Variants in MAP2K3 observed in about 807,000 individuals in gnomAD.
The protein encoded by MAP2K3 is dual specificity mitogen-activated protein kinase kinase 3.
In MAP2K3, 30 loss-of-function variants were observed where a neutral mutation model predicts 46.4. The ratio of observed to expected loss-of-function variants is 0.65; its 90% confidence interval spans 0.48 to 0.88. The LOEUF is 0.88. MAP2K3 is among the 40% of genes least tolerant of loss of function. MAP2K3 has a pLI of 0.00. For synonymous variants in MAP2K3, 189 were observed against 176.3 expected (o/e 1.07, Z -0.57); for missense variants, 380 against 464.5 (o/e 0.82, Z 1.67).
intron 1 of MAP2K3, chr17:21,295,593 C>T (rs1282828393): frequency 1.6e-6 from 2 of 1,280,172 alleles, no homozygotes; most frequent in Non-Finnish European, 2.0e-6. Context: ...TCCATGACGG[C>T]CTCACCCACT....
intron 10 of MAP2K3, 109 bp from the exon 11 acceptor site, chr17:21,313,383 C>T (rs111431447): frequency 1.2e-4 from 102 of 831,172 alleles, no homozygotes; most frequent in Non-Finnish European, 1.8e-4. Flanking sequence ...CCTGGGTGCA[C>T]GTGTCCCCTG....
chr17:21,313,433 C>T (rs1597508387), intron 10 of MAP2K3, 59 bp from the exon 11 acceptor site: 3 of 1,509,700 alleles, frequency 2.0e-6, no homozygotes, highest in Admixed American at 3.5e-5. Flanking sequence ...TTTGGCTGGC[C>T]CTTGGGGGCT....
rs191226057 is a variant in MAP2K3, at chr17:21,314,249, C to G, written c.*19C>G. 1.2e-6 allele frequency: 2 copies of G among 1,604,422 alleles called. No homozygotes were observed. The highest frequency in any genetic ancestry group is 3.3e-5 in the Admixed American group (2 of 59,988). ...CTCATAGGGGCTGGGCCTCGGACCC[C>G]ACTCCGGCCCTCCAGAGCCCCACAG... On this transcript the variant is annotated 3_prime_UTR_variant, in exon 12 of 12. Transcript: ENST00000342679.
intron 1 of MAP2K3, among the ~76,000 whole-genome samples, chr17:21,294,168 G>A (rs894455898): frequency 5.2e-5 from 8 of 152,426 alleles, no homozygotes; most frequent in African/African-American, 1.7e-4. Flanking sequence ...CCCTCTGAGG[G>A]ACCCTGGGGA....
At chr17:21,302,288 GT>G (rs773653678) in intron 6 of MAP2K3, 29 bp downstream of exon 6, 1 of 1,043,398 alleles carries the variant, frequency 9.6e-7, no homozygotes, top group African/African-American at 1.6e-5. Flanking sequence ...CTGGCGGGGG[GT>G]CCTAGGTGCA....
intron 1 of MAP2K3, chr17:21,291,722 T>G (rs1193065906): frequency 5.1e-6 from 2 of 390,892 alleles, no homozygotes; most frequent in Non-Finnish European, 1.0e-5. Flanking sequence ...TGCATGGACT[T>G]GTTTGGTCTT....
At chr17:21,295,667 C>G in intron 1 of MAP2K3, 1 of 1,289,476 alleles carries the variant, frequency 7.8e-7, no homozygotes, top group African/African-American at 1.5e-5. Flanking sequence ...GCTTGGTGTC[C>G]CCAACAGGCC....
At position 21,300,904 on chromosome 17, in the gene MAP2K3, C is replaced by T. The variant is rs1312694093; in HGVS notation, c.310C>T (p.Gln104Ter). 6.2e-7 allele frequency: 1 copy of T among 1,614,234 alleles called. No individual in the cohort carries two copies. The highest frequency in any genetic ancestry group is 8.5e-7 in the Non-Finnish European group (1 of 1,180,052). The change falls in exon 5 of 12, where the codon CAG (glutamine) becomes TAG (stop). Residue 104 changes from glutamine (Q) to a stop codon, truncating the protein, a stop_gained. Transcript: ENST00000342679. LOFTEE classifies it high-confidence loss of function. ...RIRATVNSQE[Q>*]KRLLMDLDIN... is the part of the protein sequence containing the mutation. ...CCGGGCCACCGTGAACTCACAGGAG[C>T]AGAAGCGGCTGCTCATGGACCTGGA...
chr17:21,298,625 C>A, intron 2 of MAP2K3, 146 bp downstream of exon 2: 1 of 1,345,678 alleles, frequency 7.4e-7, no homozygotes, highest in Non-Finnish European at 1.1e-6. Context: ...AGCCAGGTGA[C>A]GGCTGCTGGG....
At chr17:21,312,453 G>T (rs1597507092) in intron 10 of MAP2K3, among the ~76,000 whole-genome samples, 172 bp downstream of exon 10, 1 of 152,176 alleles carries the variant, frequency 6.6e-6, no homozygotes, top group East Asian at 1.9e-4. Context: ...ACAAAACGAT[G>T]GTCTTGGTGG....
At chr17:21,291,028 G>A (rs1975892591) in intron 1 of MAP2K3, among the ~76,000 whole-genome samples, 1 of 152,310 alleles carries the variant, frequency 6.6e-6, no homozygotes, top group Admixed American at 6.5e-5. Context: ...GGATCATGAG[G>A]TCAGGAGCTC....
chr17:21,284,740 C>T lies in MAP2K3; in HGVS notation c.-181C>T. 1.8e-6 allele frequency: 1 copy of T among 564,638 alleles called. No individual in the cohort carries two copies. The highest frequency in any genetic ancestry group is 2.9e-6 in the Non-Finnish European group (1 of 343,710). The allele number at this position is 564,638 out of a possible 1,614,324, so 35.0% of individuals were successfully genotyped here. A position where few individuals can be genotyped will look rare whatever the true frequency, so the allele number is the denominator to read the frequency against. ...TGTCTCCGGCGCCGCCCGTCGCGGA[C>T]TCGTCCTTGCTGCAGTCGCCGCCGC... is the stretch of plus-strand genomic sequence containing the variant. On this transcript the variant is annotated 5_prime_UTR_variant, in exon 1 of 12. Transcript: ENST00000342679.
chr17:21,291,652 T>C (rs1975946725), intron 1 of MAP2K3: 1 of 449,642 alleles, frequency 2.2e-6, no homozygotes, highest in Non-Finnish European at 4.5e-6. Flanking sequence ...TGCCCCACAG[T>C]GTGGGAGCCT....
intron 3 of MAP2K3, among the ~76,000 whole-genome samples, chr17:21,299,806 A>C (rs148284255): frequency 0.14 from 18,326 of 134,206 alleles, no homozygotes; most frequent in African/African-American, 0.22. Flanking sequence ...AACGTGGTGA[A>C]ACCCTGTCTC....
chr17:21,295,511 G>T (rs1478278429), intron 1 of MAP2K3: 4 of 956,792 alleles, frequency 4.2e-6, no homozygotes, highest in Non-Finnish European at 5.0e-6. Flanking sequence ...CACCTGGGCA[G>T]CCCTGGGCTG....
At chr17:21,293,542 G>A (rs958572915) in intron 1 of MAP2K3, among the ~76,000 whole-genome samples, 255 of 152,280 alleles carry the variant, frequency 1.7e-3, no homozygotes, top group African/African-American at 5.5e-3. Flanking sequence ...GAGCATCACC[G>A]GGGAGGGGGC....
At chr17:21,306,603 C>G (rs1567673364) in intron 9 of MAP2K3, among the ~76,000 whole-genome samples, 1 of 152,284 alleles carries the variant, frequency 6.6e-6, no homozygotes, top group Non-Finnish European at 1.5e-5. Flanking sequence ...TCTTGTGCCT[C>G]AGCCTCCCGA....
At chr17:21,294,442 C>A (rs80244596) in intron 1 of MAP2K3, among the ~76,000 whole-genome samples, 20,356 of 144,254 alleles carry the variant, frequency 0.14, no homozygotes, top group Middle Eastern at 0.16. Flanking sequence ...GTCATCTTGC[C>A]CCTGTGGGTG....
chr17:21,306,207 G>A (rs534714876), intron 9 of MAP2K3, among the ~76,000 whole-genome samples: 3 of 152,300 alleles, frequency 2.0e-5, no homozygotes, highest in South Asian at 2.1e-4. Flanking sequence ...TGGAAGTAGC[G>A]GGTCTCCCAT....
Sources: allele counts gnomAD v4.1 joint callset (sites outside exome capture counted in the v4.1 genomes callset), GRCh38; gene constraint gnomAD v4.1.1; transcripts MANE v1.5; gene names NCBI Gene and HGNC (gene_info 2026-07-23, HGNC 2026-07-21).